GPC5: variants seen among roughly 807,000 people sequenced by gnomAD.
GPC5 encodes the protein glypican-5.
In GPC5, 47 loss-of-function variants were observed where a neutral mutation model predicts 53.9. The observed-to-expected ratio is 0.87, with a 90% CI of 0.69 to 1.11. The LOEUF (loss-of-function observed/expected upper bound fraction) is 1.11, where lower values mean the gene tolerates loss of function less well. Among genes scored for constraint, GPC5 ranks in the 50% most tolerant of loss-of-function variants. The pLI is 0.00. For missense variants in GPC5, 748 were observed against 713.1 expected (o/e 1.05, Z -0.56); for synonymous variants, 286 against 263.3 (o/e 1.09, Z -0.84).
chr13:92,777,163 C>T (rs1223515325), intron 7 of GPC5, among the ~76,000 whole-genome samples: 1 of 149,882 alleles, frequency 6.7e-6, no homozygotes, highest in African/African-American at 2.5e-5. Context: ...GGTGAAACCT[C>T]GTCTCTACTA....
chr13:91,416,393 C>T (rs1166524320), intron 1 of GPC5, among the ~76,000 whole-genome samples: 1 of 152,086 alleles, frequency 6.6e-6, no homozygotes, highest in East Asian at 1.9e-4. Flanking sequence ...CTTGAAGAGT[C>T]ACAATACATA....
intron 2 of GPC5, among the ~76,000 whole-genome samples, chr13:91,475,926 A>G (rs1031534893): frequency 6.6e-6 from 1 of 152,226 alleles, no homozygotes; most frequent in African/African-American, 2.4e-5. Flanking sequence ...TCTGCCACAT[A>G]AGAAATGTGA....
At chr13:91,708,875 G>A (rs148430511) in intron 3 of GPC5, among the ~76,000 whole-genome samples, 335 of 152,244 alleles carry the variant, frequency 2.2e-3, no homozygotes, top group Non-Finnish European at 2.1e-3. Context: ...TATTCACTAT[G>A]ACATATTAAA....
intron 7 of GPC5, among the ~76,000 whole-genome samples, chr13:92,277,191 T>C (rs985666954): frequency 2.0e-5 from 3 of 151,972 alleles, no homozygotes; most frequent in South Asian, 2.1e-4. Flanking sequence ...TTCTTCAAGA[T>C]TGTAGGGAAT....
intron 7 of GPC5, among the ~76,000 whole-genome samples, chr13:92,862,272 C>A (rs1879204941): frequency 6.6e-6 from 1 of 152,024 alleles, no homozygotes; most frequent in Admixed American, 6.6e-5. Flanking sequence ...TTATCCTGTT[C>A]TTGTGTAAAT....
chr13:92,409,126 A>G (rs1875933146), intron 7 of GPC5, among the ~76,000 whole-genome samples: 1 of 152,090 alleles, frequency 6.6e-6, no homozygotes, highest in Admixed American at 6.5e-5. Context: ...TTAAGTCAAG[A>G]GCTAAAATTA....
chr13:92,255,132 G>A (rs1374679075), intron 7 of GPC5, among the ~76,000 whole-genome samples: 1 of 152,138 alleles, frequency 6.6e-6, no homozygotes, highest in Non-Finnish European at 1.5e-5. Context: ...TTTTATATGA[G>A]ACTTGAGCAT....
chr13:92,061,039 C>T (rs1055059205), intron 6 of GPC5, among the ~76,000 whole-genome samples: 3 of 151,912 alleles, frequency 2.0e-5, no homozygotes, highest in African/African-American at 7.3e-5. Context: ...CCAGGAATTA[C>T]TTTTGGATTT....
intron 7 of GPC5, among the ~76,000 whole-genome samples, chr13:92,386,751 GT>G (rs1158588562): frequency 6.6e-6 from 1 of 151,840 alleles, no homozygotes; most frequent in African/African-American, 2.4e-5. Context: ...CTTAAATTAA[GT>G]TTGTATTTAT....
At chr13:91,454,058 C>A (rs1881371598) in intron 2 of GPC5, among the ~76,000 whole-genome samples, 1 of 152,072 alleles carries the variant, frequency 6.6e-6, no homozygotes, top group African/African-American at 2.4e-5. Context: ...CAGTTTTAGG[C>A]AGTGCATGGT....
chr13:92,809,499 C>T (rs1877216499), intron 7 of GPC5, among the ~76,000 whole-genome samples: 1 of 152,166 alleles, frequency 6.6e-6, no homozygotes, highest in Admixed American at 6.6e-5. Flanking sequence ...TAATAAGACT[C>T]AGAGTCTGGA....
At position 92,370,270 on chromosome 13, in the gene GPC5, G is replaced by A. The variant is rs188832234; in HGVS notation, c.1561+225281G>A. ...TTCTTAGGTGCATGAGTTTTAGCAG[G>A]AGGATTGCATTATTCACCTTCTGAG... On this transcript the variant is annotated intron_variant, in intron 7 of 7. Coordinates refer to ENST00000377067, the MANE Select transcript of GPC5 (RefSeq NM_004466.6). Among the ~76,000 whole-genome samples the A allele has an allele frequency of 2.9e-3, 442 of 152,278 alleles. 12 individuals carry two copies. The highest frequency in any genetic ancestry group is 3.3e-3 in the Non-Finnish European group (226 of 68,016).
chr13:91,993,074 C>A (rs375572859), intron 6 of GPC5, among the ~76,000 whole-genome samples: 1 of 152,126 alleles, frequency 6.6e-6, no homozygotes, highest in African/African-American at 2.4e-5. Context: ...AAATAACTGG[C>A]GTTGATTATT....
intron 6 of GPC5, among the ~76,000 whole-genome samples, chr13:92,066,255 A>G (rs1242843433): frequency 6.6e-6 from 1 of 152,058 alleles, no homozygotes; most frequent in East Asian, 1.9e-4. Flanking sequence ...ATCTTTACTC[A>G]GATCCTATAA....
At position 92,173,494 on chromosome 13, in the gene GPC5, C is replaced by A. The variant is rs574280394; in HGVS notation, c.1561+28505C>A. Among the ~76,000 whole-genome samples, 3 of 152,290 alleles carry A rather than the reference C, an allele frequency of 2.0e-5. No homozygotes were observed. In the East Asian group the frequency reaches 5.8e-4, roughly 29 times the overall value. ...AGGACACTCAGTGGGGAGTCTGGCA[C>A]CTGCCTGGACAAACCCTTTCCTTTT... On this transcript the variant is annotated intron_variant, in intron 7 of 7. Transcript: ENST00000377067.
intron 7 of GPC5, among the ~76,000 whole-genome samples, chr13:92,434,903 A>G (rs1877240239): frequency 6.6e-6 from 1 of 152,108 alleles, no homozygotes; most frequent in Non-Finnish European, 1.5e-5. Context: ...TATAACCATT[A>G]AACTAATTTG....
intron 7 of GPC5, among the ~76,000 whole-genome samples, chr13:92,247,688 A>G (rs2042662808): frequency 6.6e-6 from 1 of 152,108 alleles, no homozygotes; most frequent in Non-Finnish European, 1.5e-5. Flanking sequence ...TGTCTGTGAA[A>G]TATACTGTTG....
At chr13:92,296,303 A>G (rs2043033899) in intron 7 of GPC5, among the ~76,000 whole-genome samples, 1 of 151,812 alleles carries the variant, frequency 6.6e-6, no homozygotes. Context: ...GGGAGGAACA[A>G]CGTTGGGTGG....
intron 4 of GPC5, among the ~76,000 whole-genome samples, chr13:91,750,787 C>T (rs956374450): frequency 2.0e-5 from 3 of 151,204 alleles, no homozygotes; most frequent in Admixed American, 6.6e-5. Flanking sequence ...CTCAGCCTCC[C>T]GAGTAGCTGG....
Sources: gnomAD v4.1 joint callset for allele counts (sites outside exome capture counted in the v4.1 genomes callset) on GRCh38, gnomAD v4.1.1 for gene constraint, MANE v1.5 for transcripts, NCBI Gene and HGNC (gene_info 2026-07-23, HGNC 2026-07-21) for gene names.